CACHD1: variants seen among roughly 807,000 people sequenced by gnomAD.
The protein encoded by CACHD1 is cache domain containing 1, also known as VWFA and cache domain-containing protein 1.
In CACHD1, 71 loss-of-function variants were observed where a neutral mutation model predicts 138.7. The observed-to-expected ratio is 0.51, with a 90% CI of 0.42 to 0.62. The LOEUF (loss-of-function observed/expected upper bound fraction) is 0.62. CACHD1 is among the 20% of genes least tolerant of loss of function. CACHD1 has a pLI of 0.00. For synonymous variants in CACHD1, 578 were observed against 591.5 expected (o/e 0.98, Z 0.33); for missense variants, 1,389 against 1,625.3 (o/e 0.85, Z 2.50).
intron 16 of CACHD1, among the ~76,000 whole-genome samples, chr1:64,668,948 C>T (rs1649728160): frequency 6.6e-6 from 1 of 152,188 alleles, no homozygotes; most frequent in Non-Finnish European, 1.5e-5. Flanking sequence ...TCCCTCCTAA[C>T]ACATGGTTCT....
At chr1:64,531,781 C>T (rs572553992) in intron 1 of CACHD1, among the ~76,000 whole-genome samples, 391 of 152,228 alleles carry the variant, frequency 2.6e-3, no homozygotes, top group Non-Finnish European at 4.0e-3. Context: ...TATACACTGA[C>T]GGGTTTGGTT....
intron 1 of CACHD1, among the ~76,000 whole-genome samples, chr1:64,544,089 C>T (rs1165564907): frequency 2.6e-5 from 4 of 152,040 alleles, no homozygotes; most frequent in Non-Finnish European, 5.9e-5. Flanking sequence ...CTTTCCTCCC[C>T]TTTAACCACA....
intron 9 of CACHD1, among the ~76,000 whole-genome samples, chr1:64,649,095 A>T (rs749453180): frequency 2.0e-5 from 3 of 152,172 alleles, no homozygotes; most frequent in African/African-American, 4.8e-5. Context: ...GATTTTTTTT[A>T]AAACTCACGT....
Position 64,558,814 on chromosome 1 carries a change from C to T in CACHD1, c.261+8158C>T, listed in dbSNP as rs144202625. On this transcript the variant is annotated intron_variant, in intron 2 of 26. Coordinates refer to ENST00000651257, the MANE Select transcript of CACHD1 (RefSeq NM_020925.4). The stretch of plus-strand genomic sequence containing the variant: ...AACAAATTTACAAGAGAAAAACAAC[C>T]CCATTAAAAAGTGGGCAAAGAACGT... 5.4e-3 allele frequency among the ~76,000 whole-genome samples: 821 copies of T among 152,128 alleles called. 23 individuals carry two copies. The highest frequency in any genetic ancestry group is 0.048 in the East Asian group (250 of 5,178).
chr1:64,539,274 T>C (rs1219090685), intron 1 of CACHD1, among the ~76,000 whole-genome samples: 1 of 152,180 alleles, frequency 6.6e-6, no homozygotes, highest in Non-Finnish European at 1.5e-5. Context: ...ATCATGTCAC[T>C]CCCCAGTTAA....
chr1:64,514,018 C>T (rs1646440812), intron 1 of CACHD1, among the ~76,000 whole-genome samples: 1 of 152,214 alleles, frequency 6.6e-6, no homozygotes. Context: ...ACACTTCTCT[C>T]ATCCTGTCTC....
intron 2 of CACHD1, among the ~76,000 whole-genome samples, chr1:64,567,643 G>A (rs1646893041): frequency 6.6e-6 from 1 of 152,050 alleles, no homozygotes; most frequent in Admixed American, 6.6e-5. Flanking sequence ...AGCCAAAGTG[G>A]TCTAACTCTA....
At chr1:64,594,891 A>G (rs1439935513) in intron 3 of CACHD1, among the ~76,000 whole-genome samples, 1 of 152,244 alleles carries the variant, frequency 6.6e-6, no homozygotes, top group Non-Finnish European at 1.5e-5. Flanking sequence ...TTAAAAATCT[A>G]TCTATAATCT....
rs142806367 is a variant in CACHD1 at position 64,473,546 on chromosome 1, G to A, written c.198+2604G>A. On this transcript the variant is annotated intron_variant, in intron 1 of 26. Transcript: ENST00000651257. ...GTAAGCCTCACATAGGCTTTAAGGT[G>A]TGACTTCCTACGAAGATGGTCAGGG... 2.8e-3 allele frequency among the ~76,000 whole-genome samples: 423 copies of A among 151,992 alleles called. 2 individuals carry two copies. The highest frequency in any genetic ancestry group is 8.9e-3 in the African/African-American group (371 of 41,476).
At position 64,663,739 on chromosome 1, in the gene CACHD1, T is replaced by A; in HGVS notation, c.1996T>A (p.Tyr666Asn). ...MLSAGSFSSP[Y>N]EHLSQPETKR... ...GTCTGCTGGCAGCTTTTCCTCCCCC[T>A]ATGAGCACCTCAGCCAGCCAGAGAC... Residue 666 changes from tyrosine to asparagine, a missense_variant, in exon 14 of 27, where the codon TAT (tyrosine) becomes AAT (asparagine). Physicochemically the swap from Tyr to Asn is moderately radical, Grantham distance 143 (BLOSUM62 -2). Around this residue, in one of 5 missense-constraint regions of CACHD1, gnomAD observed 1,000 missense variants for 1,114.7 expected, o/e 0.90. Coordinates refer to ENST00000651257, the MANE Select transcript of CACHD1 (RefSeq NM_020925.4). The A allele has an allele frequency of 6.2e-7, 1 of 1,614,008 alleles. No individual in the cohort carries two copies. Among genetic ancestry groups the A allele is most frequent in the Non-Finnish European group, 8.5e-7 (1 of 1,179,982 alleles).
Position 64,570,179 on chromosome 1 carries a change from G to A in CACHD1, c.262-11977G>A, listed in dbSNP as rs527988981. ...CCACTCATCCCTAACATATCCCATG[G>A]TGCAATAGGAAATATTTTGGTAATG... On this transcript the variant is annotated intron_variant, in intron 2 of 26. Transcript: ENST00000651257. Among the ~76,000 whole-genome samples, 60 of 152,244 alleles carry A rather than the reference G, an allele frequency of 3.9e-4. 2 individuals are homozygous for A. The South Asian group carries it at 0.012, about 31-fold the overall frequency.
chr1:64,566,483 C>CCCCG (rs1553133831), intron 2 of CACHD1, among the ~76,000 whole-genome samples: 4 of 141,028 alleles, frequency 2.8e-5, no homozygotes, highest in South Asian at 4.9e-4. Flanking sequence ...TTCAATTCCC[C>CCCCG]CCCCCCCACA....
At chr1:64,569,047 G>A (rs899855637) in intron 2 of CACHD1, among the ~76,000 whole-genome samples, 6 of 151,870 alleles carry the variant, frequency 4.0e-5, no homozygotes, top group Non-Finnish European at 7.4e-5. Flanking sequence ...TCAGCCTCCC[G>A]AGTAGCTGGG....
chr1:64,562,754 A>T (rs1355957398), intron 2 of CACHD1, among the ~76,000 whole-genome samples: 3 of 151,886 alleles, frequency 2.0e-5, no homozygotes. Context: ...CTGTTTCTGT[A>T]CTGAAATTTC....
chr1:64,511,592 A>G (rs1415480223), intron 1 of CACHD1, among the ~76,000 whole-genome samples: 2 of 152,152 alleles, frequency 1.3e-5, no homozygotes, highest in African/African-American at 4.8e-5. Flanking sequence ...CAACATCTCC[A>G]AGTGGTCACC....
chr1:64,470,518 G>A lies in CACHD1; in HGVS notation c.-227G>A, dbSNP rs1172861683. ...GGCTCCGGGGACCGCTCGGGCGGCCGCCTCCTACCCCCACCGCCGCGGAGC... is the reference window on the plus strand; with the variant it reads ...GGCTCCGGGGACCGCTCGGGCGGCCACCTCCTACCCCCACCGCCGCGGAGC... On this transcript the variant is annotated 5_prime_UTR_variant, in exon 1 of 27. Transcript: ENST00000651257. The surrounding 1 kb of genome is among the most constrained non-coding windows in gnomAD (Gnocchi z 5.2). Among the ~76,000 whole-genome samples, 1 of 151,592 alleles carries A rather than the reference G, an allele frequency of 6.6e-6. No individual in the cohort carries two copies. Among genetic ancestry groups the A allele is most frequent in the African/African-American group, 2.4e-5 (1 of 41,366 alleles).
intron 5 of CACHD1, among the ~76,000 whole-genome samples, chr1:64,631,384 T>G (rs189413900): frequency 6.6e-6 from 1 of 152,224 alleles, no homozygotes; most frequent in South Asian, 2.1e-4. Flanking sequence ...ATTTCCCTAG[T>G]GGCTCAATGG....
At chr1:64,478,975 TAAA>T (rs76928740) in intron 1 of CACHD1, among the ~76,000 whole-genome samples, 6 of 136,556 alleles carry the variant, frequency 4.4e-5, no homozygotes, top group African/African-American at 1.1e-4. Flanking sequence ...TAATTCAGTT[TAAA>T]AAAAAAAAAA....
rs541375783 is a variant in CACHD1 at position 64,587,472 on chromosome 1, G to A, written c.410+5168G>A. ...GTGGCAGAAAATTCATTTTTCAGACGGGTTTCATACTTTCCTTCTCAGACC... is the reference window on the plus strand; with the variant it reads ...GTGGCAGAAAATTCATTTTTCAGACAGGTTTCATACTTTCCTTCTCAGACC... On this transcript the variant is annotated intron_variant, in intron 3 of 26. Coordinates refer to ENST00000651257, the MANE Select transcript of CACHD1 (RefSeq NM_020925.4). Among the ~76,000 whole-genome samples, 7 of 152,172 alleles carry A rather than the reference G, an allele frequency of 4.6e-5. No homozygotes were observed. In the South Asian group the frequency reaches 1.2e-3, roughly 27 times the overall value.
Sources: allele counts gnomAD v4.1 joint callset (sites outside exome capture counted in the v4.1 genomes callset), GRCh38; gene constraint gnomAD v4.1.1; regional missense constraint gnomAD v4.1.1; non-coding constraint Gnocchi (gnomAD v3.1); transcripts MANE v1.5; gene names NCBI Gene and HGNC (gene_info 2026-07-23, HGNC 2026-07-21).